CNBD2: variants seen among roughly 807,000 people sequenced by gnomAD.
CNBD2 encodes cyclic nucleotide-binding domain-containing protein 2.
A neutral mutation model predicts 63.7 loss-of-function variants in CNBD2; 64 were observed. The observed-to-expected ratio is 1.00, with a 90% CI of 0.82 to 1.24. CNBD2 has a LOEUF of 1.24. CNBD2 is among the 50% of genes most tolerant of loss of function. CNBD2 has a pLI of 0.00. For missense variants in CNBD2, 691 were observed against 713.5 expected (o/e 0.97, Z 0.36); for synonymous variants, 229 against 255.4 (o/e 0.90, Z 0.99).
At chr20:36,014,835 T>C (rs2057113676) in intron 10 of CNBD2, among the ~76,000 whole-genome samples, 1 of 152,118 alleles carries the variant, frequency 6.6e-6, no homozygotes, top group African/African-American at 2.4e-5. Flanking sequence ...GGTCTCACTA[T>C]GTTGCCCAGG....
Position 35,980,441 on chromosome 20 carries a change from CTG to C in CNBD2, c.244-17_244-16del. On this transcript the variant is annotated splice_polypyrimidine_tract_variant and intron_variant, in intron 3 of 11. Coordinates refer to ENST00000373973, the MANE Select transcript of CNBD2 (RefSeq NM_001365709.1). Reference sequence around the variant, plus strand: ...AAATTGCTGGGTCCCCTGTATCACTCTGGTCCTCTCTCCCCAGGGTCACTTTC... The same window carrying C: ...AAATTGCTGGGTCCCCTGTATCACTCGTCCTCTCTCCCCAGGGTCACTTTC... 6.2e-7 allele frequency: 1 copy of C among 1,613,720 alleles called. No homozygotes were observed. Among genetic ancestry groups the C allele is most frequent in the Non-Finnish European group, 8.5e-7 (1 of 1,179,762 alleles).
At chr20:35,966,375 CCTT>C (rs1275773488), upstream of CNBD2, among the ~76,000 whole-genome samples, 1 of 152,142 alleles carries the variant, frequency 6.6e-6, no homozygotes, top group Admixed American at 6.5e-5. Context: ...AACTCAGTGT[CCTT>C]CTGTCTACCT....
chr20:36,003,287 A>G (rs904648206), intron 8 of CNBD2, among the ~76,000 whole-genome samples: 2 of 151,962 alleles, frequency 1.3e-5, no homozygotes, highest in East Asian at 1.9e-4. Context: ...TCCTTTTCAT[A>G]TAGTTTATAT....
chr20:35,966,103 C>G (rs890312384), upstream of CNBD2, among the ~76,000 whole-genome samples: 1 of 152,140 alleles, frequency 6.6e-6, no homozygotes, highest in Admixed American at 6.5e-5. Flanking sequence ...CTTTCAGAAG[C>G]CCCCTACACT....
chr20:35,988,890 T>C (rs2056705356), intron 7 of CNBD2, among the ~76,000 whole-genome samples: 1 of 152,246 alleles, frequency 6.6e-6, no homozygotes, highest in Non-Finnish European at 1.5e-5. Context: ...TTTGATATTT[T>C]TTCTGATTAC....
intron 7 of CNBD2, among the ~76,000 whole-genome samples, chr20:35,993,867 C>CTTT (rs58873487): frequency 4.5e-4 from 39 of 86,372 alleles, no homozygotes; most frequent in Non-Finnish European, 6.8e-4. Context: ...TTCAGCTAAT[C>CTTT]TTTTTTTTTT....
intron 2 of CNBD2, among the ~76,000 whole-genome samples, chr20:35,962,170 T>C (rs2056313851): frequency 6.6e-6 from 1 of 151,978 alleles, no homozygotes; most frequent in Non-Finnish European, 1.5e-5. Context: ...CTCTGGCCAC[T>C]GGAGTGCTTA....
chr20:35,966,828 GA>G (rs1211541847), upstream of CNBD2, among the ~76,000 whole-genome samples: 8 of 152,282 alleles, frequency 5.3e-5, no homozygotes, highest in South Asian at 1.2e-3. Flanking sequence ...ATGAGATAGA[GA>G]ATGAGTTATC....
At chr20:35,965,085 G>C (rs1455514305), upstream of CNBD2, among the ~76,000 whole-genome samples, 3 of 152,106 alleles carry the variant, frequency 2.0e-5, no homozygotes, top group Non-Finnish European at 4.4e-5. Context: ...CTGGTAAGCA[G>C]GGACCACATC....
At chr20:36,007,879 G>T (rs553881332) in intron 8 of CNBD2, among the ~76,000 whole-genome samples, 2 of 152,146 alleles carry the variant, frequency 1.3e-5, no homozygotes, top group Non-Finnish European at 2.9e-5. Context: ...CTTGTCCAAA[G>T]TTCCATGACC....
At chr20:36,024,769 C>T (rs1360050769) in intron 11 of CNBD2, among the ~76,000 whole-genome samples, 1 of 151,880 alleles carries the variant, frequency 6.6e-6, no homozygotes, top group African/African-American at 2.4e-5. Flanking sequence ...CTCTAGTAAA[C>T]ATAGTCTACT....
At chr20:36,013,592 A>G (rs532134182) in intron 10 of CNBD2, among the ~76,000 whole-genome samples, 3 of 152,336 alleles carry the variant, frequency 2.0e-5, no homozygotes, top group African/African-American at 7.2e-5. Flanking sequence ...TGGTAAGACT[A>G]AAGCAAAAGG....
chr20:36,007,396 T>C (rs1035268262), intron 8 of CNBD2, among the ~76,000 whole-genome samples: 2 of 151,000 alleles, frequency 1.3e-5, no homozygotes, highest in Admixed American at 6.6e-5. Context: ...GCAATCCTCC[T>C]ACCTCAGCCT....
At chr20:35,991,122 A>T (rs1021075254) in intron 7 of CNBD2, among the ~76,000 whole-genome samples, 2 of 152,200 alleles carry the variant, frequency 1.3e-5, no homozygotes, top group Admixed American at 6.5e-5. Context: ...CATTGAATTT[A>T]TTGGGAAGAG....
At chr20:36,023,026 G>A (rs2057238279) in intron 10 of CNBD2, among the ~76,000 whole-genome samples, 1 of 152,208 alleles carries the variant, frequency 6.6e-6, no homozygotes. Context: ...ATTGGACATT[G>A]GGGAAAACTT....
At chr20:36,000,479 C>T (rs1009241525) in intron 8 of CNBD2, among the ~76,000 whole-genome samples, 1 of 151,900 alleles carries the variant, frequency 6.6e-6, no homozygotes, top group Admixed American at 6.6e-5. Context: ...CTGGTTCAAG[C>T]GATTACCCTG....
chr20:35,989,901 G>A (rs1238259218), intron 7 of CNBD2, among the ~76,000 whole-genome samples: 2 of 149,506 alleles, frequency 1.3e-5, no homozygotes, highest in East Asian at 2.0e-4. Context: ...AGAGGGGAGG[G>A]GAGGGGAGGG....
At chr20:35,964,124 C>T (rs1350043104), upstream of CNBD2, among the ~76,000 whole-genome samples, 1 of 152,180 alleles carries the variant, frequency 6.6e-6, no homozygotes, top group Non-Finnish European at 1.5e-5. Flanking sequence ...GAGCATCTCA[C>T]GTTTTAGCTA....
At chr20:36,023,809 A>G (rs2057251122) in intron 11 of CNBD2, 38 bp downstream of exon 11, 5 of 1,511,794 alleles carry the variant, frequency 3.3e-6, no homozygotes, top group Non-Finnish European at 4.4e-6. Context: ...CATCAGGTGA[A>G]ATGAACAATT....
Sources: gnomAD v4.1 joint callset for allele counts (sites outside exome capture counted in the v4.1 genomes callset) on GRCh38, gnomAD v4.1.1 for gene constraint, MANE v1.5 for transcripts, NCBI Gene and HGNC (gene_info 2026-07-23, HGNC 2026-07-21) for gene names.